ADAM9: variants seen among roughly 807,000 people sequenced by gnomAD.
ADAM9 encodes disintegrin and metalloproteinase domain-containing protein 9.
In ADAM9, 54 loss-of-function variants were observed where a neutral mutation model predicts 108.1. The observed-to-expected ratio is 0.50, with a 90% CI of 0.40 to 0.63. The LOEUF (loss-of-function observed/expected upper bound fraction) is 0.63, where lower values mean the gene tolerates loss of function less well. ADAM9 is among the 20% of genes least tolerant of loss of function. The pLI is 0.00. For synonymous variants in ADAM9, 316 were observed against 336.0 expected (o/e 0.94, Z 0.65); for missense variants, 830 against 997.7 (o/e 0.83, Z 2.26).
At chr8:39,091,468 T>C in intron 20 of ADAM9, 122 bp downstream of exon 20, 2 of 921,508 alleles carry the variant, frequency 2.2e-6, no homozygotes, top group Non-Finnish European at 3.3e-6. Flanking sequence ...AATTCAAGAG[T>C]ATTGTAGGTG....
chr8:39,085,718 C>T (rs1361327330), intron 18 of ADAM9, among the ~76,000 whole-genome samples: 1 of 152,102 alleles, frequency 6.6e-6, no homozygotes, highest in East Asian at 1.9e-4. Flanking sequence ...TAATGTCTTC[C>T]GTATATGTCT....
intron 8 of ADAM9, 129 bp downstream of exon 8, chr8:39,021,843 T>C: frequency 3.7e-6 from 3 of 802,264 alleles, no homozygotes; most frequent in Admixed American, 3.9e-5. Context: ...TTCAGAGGTC[T>C]GCTTTCTGGT....
At chr8:39,030,155 T>A (rs1837053873) in intron 11 of ADAM9, among the ~76,000 whole-genome samples, 1 of 152,236 alleles carries the variant, frequency 6.6e-6, no homozygotes, top group African/African-American at 2.4e-5. Context: ...TTGTGCATTC[T>A]ATGGGTATGA....
At chr8:39,001,249 A>T (rs1283335470) in intron 1 of ADAM9, among the ~76,000 whole-genome samples, 1 of 152,260 alleles carries the variant, frequency 6.6e-6, no homozygotes. Context: ...TAGGCTATGT[A>T]GATTTGTAGA....
chr8:39,025,284 A>G (rs902114221), intron 9 of ADAM9, among the ~76,000 whole-genome samples: 1 of 151,790 alleles, frequency 6.6e-6, no homozygotes, highest in Non-Finnish European at 1.5e-5. Flanking sequence ...TTTAGTAGAG[A>G]TGGGGTTTCA....
intron 14 of ADAM9, among the ~76,000 whole-genome samples, chr8:39,061,667 C>A (rs1030934961): frequency 2.6e-5 from 4 of 151,602 alleles, no homozygotes. Flanking sequence ...GTGCTGCCAT[C>A]TGATGAGGGT....
chr8:39,048,019 C>T (rs1354651497), intron 12 of ADAM9, among the ~76,000 whole-genome samples: 1 of 151,278 alleles, frequency 6.6e-6, no homozygotes, highest in African/African-American at 2.4e-5. Context: ...CTCCTGGTTT[C>T]TAGTGATTCT....
At chr8:39,103,522 A>T (rs866952469) in intron 21 of ADAM9, 85 bp from the exon 22 acceptor site, 5 of 1,266,216 alleles carry the variant, frequency 3.9e-6, no homozygotes, top group Middle Eastern at 1.8e-4. Context: ...GATGTTGAGG[A>T]TGGTGTTATG....
At chr8:39,077,478 A>G in intron 16 of ADAM9, 67 bp downstream of exon 16, 1 of 1,410,366 alleles carries the variant, frequency 7.1e-7, no homozygotes, top group Admixed American at 2.2e-5. Flanking sequence ...ATACATAGTA[A>G]GTGGTTGCTC....
In ADAM9 at chr8:39,103,691, C is replaced by T; in HGVS notation, c.2451C>T (p.Ser817=). The T allele has an allele frequency of 6.2e-7, 1 of 1,613,764 alleles. No individual in the cohort carries two copies. The highest frequency in any genetic ancestry group is 8.5e-7 in the Non-Finnish European group (1 of 1,179,722). Residue 817 remains serine (S), a synonymous_variant, in exon 22 of 22, where the codon TCC becomes TCT. Coordinates refer to ENST00000487273, the MANE Select transcript of ADAM9 (RefSeq NM_003816.3). ...RPAPAPPLYS[S]LT is the part of the protein sequence containing the mutation. ...CTCCTGCACCTCCTTTATATAGTTC[C>T]CTCACTTGATTTTTTTAACCTTCTT...
At chr8:39,071,227 G>T (rs935716312) in intron 14 of ADAM9, 71 bp from the exon 15 acceptor site, 1 of 1,429,404 alleles carries the variant, frequency 7.0e-7, no homozygotes, top group South Asian at 1.2e-5. Context: ...ACTGTTGTAG[G>T]GAATACTTTT....
At chr8:39,029,219 T>A (rs1470679675) in intron 11 of ADAM9, among the ~76,000 whole-genome samples, 1 of 151,024 alleles carries the variant, frequency 6.6e-6, no homozygotes, top group African/African-American at 2.4e-5. Context: ...CATTACTGGA[T>A]CTTGGAGAGT....
At chr8:39,094,859 C>T (rs537534644) in intron 20 of ADAM9, among the ~76,000 whole-genome samples, 1 of 151,988 alleles carries the variant, frequency 6.6e-6, no homozygotes, top group African/African-American at 2.4e-5. Context: ...AAAACCAACT[C>T]TTAGTTTTAT....
chr8:39,045,622 A>G (rs1243579510), intron 12 of ADAM9, among the ~76,000 whole-genome samples: 1 of 151,556 alleles, frequency 6.6e-6, no homozygotes, highest in Admixed American at 6.6e-5. Flanking sequence ...CTGTTGATGG[A>G]CACTTACATT....
intron 18 of ADAM9, among the ~76,000 whole-genome samples, chr8:39,083,961 C>T (rs989598495): frequency 5.9e-5 from 9 of 152,108 alleles, no homozygotes; most frequent in Non-Finnish European, 8.8e-5. Flanking sequence ...TGAGAGAATT[C>T]CCCCAATTTC....
intron 1 of ADAM9, among the ~76,000 whole-genome samples, chr8:38,999,914 T>C (rs113653680): frequency 1.6e-3 from 246 of 152,376 alleles, no homozygotes; most frequent in African/African-American, 5.7e-3. Flanking sequence ...TTTTCCTTTT[T>C]GGTATGTAAC....
intron 11 of ADAM9, among the ~76,000 whole-genome samples, chr8:39,037,556 G>A (rs1047585734): frequency 9.4e-5 from 14 of 149,440 alleles, no homozygotes; most frequent in African/African-American, 3.2e-4. Context: ...CTCCTGAGTA[G>A]CTGGGACTAC....
intron 12 of ADAM9, among the ~76,000 whole-genome samples, chr8:39,045,569 TGTA>T (rs1364623253): frequency 4.0e-5 from 1 of 25,288 alleles, no homozygotes; most frequent in African/African-American, 2.1e-4. Context: ...TGTGTGTGTG[TGTA>T]TATATATATA....
At chr8:39,018,453 C>T (rs4576396) in intron 6 of ADAM9, among the ~76,000 whole-genome samples, 1 of 152,056 alleles carries the variant, frequency 6.6e-6, no homozygotes. Flanking sequence ...TAGTAATGGG[C>T]TTTTTCATTA....
Sources: allele counts gnomAD v4.1 joint callset (sites outside exome capture counted in the v4.1 genomes callset), GRCh38; gene constraint gnomAD v4.1.1; transcripts MANE v1.5; gene names NCBI Gene and HGNC (gene_info 2026-07-23, HGNC 2026-07-21).